The following SGK1 variants were observed in gnomAD, a reference collection of about 807,000 sequenced individuals.
SGK1 encodes serine/threonine-protein kinase Sgk1.
In SGK1, 26 loss-of-function variants were observed where a neutral mutation model predicts 64.2. The observed-to-expected ratio is 0.40, with a 90% CI of 0.30 to 0.56. SGK1 has a LOEUF of 0.56. Ranked by LOEUF, SGK1 falls within the 20% of genes least tolerant of loss-of-function variation. SGK1 has a pLI of 0.38. For missense variants in SGK1, 519 were observed against 645.6 expected (o/e 0.80, Z 2.12); for synonymous variants, 265 against 239.7 (o/e 1.11, Z -0.98).
At chr6:134,265,059 GTAT>G (rs1582751284) in intron 1 of SGK1, among the ~76,000 whole-genome samples, 1 of 152,172 alleles carries the variant, frequency 6.6e-6, no homozygotes, top group Non-Finnish European at 1.5e-5. Context: ...CTAAAATTAA[GTAT>G]TATGAAGACT....
chr6:134,285,114 C>A (rs1777161288), intron 1 of SGK1, among the ~76,000 whole-genome samples: 1 of 151,954 alleles, frequency 6.6e-6, no homozygotes, highest in African/African-American at 2.4e-5. Flanking sequence ...AATTTCTCTA[C>A]TGTTTTCCAT....
intron 1 of SGK1, among the ~76,000 whole-genome samples, chr6:134,293,147 A>G (rs1777292084): frequency 6.6e-6 from 1 of 152,252 alleles, no homozygotes; most frequent in South Asian, 2.1e-4. Context: ...TAGATAATGT[A>G]AAATGGCTCA....
intron 3 of SGK1, among the ~76,000 whole-genome samples, chr6:134,190,042 G>A (rs1775483745): frequency 6.6e-6 from 1 of 152,078 alleles, no homozygotes; most frequent in East Asian, 1.9e-4. Flanking sequence ...TAGAGACATG[G>A]TTTCACCATG....
chr6:134,216,364 T>C (rs1775984330), intron 2 of SGK1, among the ~76,000 whole-genome samples: 1 of 152,190 alleles, frequency 6.6e-6, no homozygotes. Flanking sequence ...GTAGCAAAAA[T>C]ACTTTATCTC....
intron 2 of SGK1, among the ~76,000 whole-genome samples, chr6:134,249,243 T>C (rs961523018): frequency 2.6e-5 from 4 of 152,246 alleles, no homozygotes; most frequent in African/African-American, 7.2e-5. Flanking sequence ...CTGATACCAC[T>C]TTTGTGATTG....
chr6:134,259,179 T>C (rs958083515), intron 2 of SGK1, among the ~76,000 whole-genome samples: 1 of 152,332 alleles, frequency 6.6e-6, no homozygotes, highest in African/African-American at 2.4e-5. Context: ...TGTTTCCTTT[T>C]GTGTGGAATT....
At chr6:134,314,912 C>G (rs917129590) in intron 1 of SGK1, among the ~76,000 whole-genome samples, 2 of 150,850 alleles carry the variant, frequency 1.3e-5, no homozygotes, top group African/African-American at 4.9e-5. Flanking sequence ...TGTGGAACTT[C>G]AACAATAGAA....
chr6:134,235,809 A>G (rs1044147216), intron 2 of SGK1, among the ~76,000 whole-genome samples: 5 of 152,094 alleles, frequency 3.3e-5, no homozygotes, highest in Non-Finnish European at 5.9e-5. Flanking sequence ...TCCTGACCTC[A>G]GGTGATCCTC....
intron 3 of SGK1, among the ~76,000 whole-genome samples, chr6:134,178,123 G>T (rs1775277008): frequency 6.6e-6 from 1 of 152,186 alleles, no homozygotes. Flanking sequence ...CGGGAGGAAC[G>T]TGGCATTCAG....
chr6:134,257,539 A>G (rs1177865196), intron 2 of SGK1, among the ~76,000 whole-genome samples: 1 of 151,764 alleles, frequency 6.6e-6, no homozygotes, highest in Non-Finnish European at 1.5e-5. Flanking sequence ...TATAGAATAC[A>G]GAGTTTAATT....
Position 134,207,646 on chromosome 6 carries a change from A to T in SGK1, c.286-215T>A, listed in dbSNP as rs887451934. Among the ~76,000 whole-genome samples the T allele has an allele frequency of 1.1e-4, 16 of 152,292 alleles. No homozygotes were observed. The East Asian group carries it at 2.5e-3, about 24-fold the overall frequency. ...CTTTTAGTCCTGGGCAAACCGGGACAGTTGGTCCCCTTACACATGAAGCAG... is the reference window on the plus strand; with the variant it reads ...CTTTTAGTCCTGGGCAAACCGGGACTGTTGGTCCCCTTACACATGAAGCAG... On this transcript the variant is annotated intron_variant, in intron 2 of 13. Transcript: ENST00000367858.
At chr6:134,213,285 G>T (rs1386591613) in intron 2 of SGK1, among the ~76,000 whole-genome samples, 4 of 152,080 alleles carry the variant, frequency 2.6e-5, no homozygotes, top group Non-Finnish European at 2.9e-5. Context: ...ACTTTGGGAG[G>T]TTGAGGCAGG....
intron 3 of SGK1, among the ~76,000 whole-genome samples, chr6:134,206,377 A>T (rs1195217617): frequency 8.0e-3 from 33 of 4,136 alleles, no homozygotes; most frequent in Admixed American, 0.039. Context: ...ATATATATAT[A>T]TATATATTTT....
intron 1 of SGK1, among the ~76,000 whole-genome samples, chr6:134,299,419 A>G (rs1009850787): frequency 1.3e-5 from 2 of 152,188 alleles, no homozygotes; most frequent in Non-Finnish European, 2.9e-5. Context: ...CATAGATCAC[A>G]TGGAACAAAA....
chr6:134,264,330 A>C (rs753328716), intron 1 of SGK1, among the ~76,000 whole-genome samples: 38 of 152,154 alleles, frequency 2.5e-4, no homozygotes, highest in South Asian at 8.3e-4. Context: ...CGTGTTAGCC[A>C]GGATGGTCTC....
intron 2 of SGK1, among the ~76,000 whole-genome samples, chr6:134,246,064 G>A (rs572999419): frequency 1.3e-5 from 2 of 152,172 alleles, no homozygotes; most frequent in African/African-American, 4.8e-5. Flanking sequence ...AAATGACCAC[G>A]TAAAGGGTAG....
At position 134,317,517 on chromosome 6, in the gene SGK1, G is replaced by C. The variant is rs929814618; in HGVS notation, c.-57C>G. ...CCAGGTTGGCACCCGCCTGGTTAGT[G>C]CATATCTGTTTCCCCGGTTTACCTC... is the stretch of plus-strand genomic sequence containing the variant. On this transcript the variant is annotated 5_prime_UTR_variant, in exon 1 of 14. Transcript: ENST00000367858. 7.8e-6 allele frequency: 8 copies of C among 1,030,842 alleles called. No homozygotes were observed. In the African/African-American group the frequency reaches 1.3e-4, roughly 16 times the overall value. The allele number at this position is 1,030,842 out of a possible 1,614,324, so 63.9% of individuals were successfully genotyped here.
intron 2 of SGK1, among the ~76,000 whole-genome samples, chr6:134,220,390 A>C (rs1776071760): frequency 6.6e-6 from 1 of 152,176 alleles, no homozygotes; most frequent in South Asian, 2.1e-4. Context: ...ACACAGATAG[A>C]AGTTATATAT....
chr6:134,171,212 T>C (rs1181791839), intron 11 of SGK1, 34 bp from the exon 12 acceptor site: 2 of 1,605,744 alleles, frequency 1.2e-6, no homozygotes, highest in Non-Finnish European at 1.7e-6. Flanking sequence ...TAGACTTAAT[T>C]GGAAGTTTCA....
Sources: gnomAD v4.1 joint callset for allele counts (sites outside exome capture counted in the v4.1 genomes callset) on GRCh38, gnomAD v4.1.1 for gene constraint, MANE v1.5 for transcripts, NCBI Gene and HGNC (gene_info 2026-07-23, HGNC 2026-07-21) for gene names.